Variants in TANC1 observed in about 807,000 individuals in gnomAD.
The protein encoded by TANC1 is protein TANC1.
A neutral mutation model predicts 149.7 loss-of-function variants in TANC1; 77 were observed. The observed-to-expected ratio is 0.51, with a 90% confidence interval of 0.43 to 0.62. TANC1 has a LOEUF of 0.62. Ranked by LOEUF, TANC1 falls within the 20% of genes least tolerant of loss-of-function variation. TANC1 has a pLI of 0.00. For synonymous variants in TANC1, 854 were observed against 925.0 expected (o/e 0.92, Z 1.39); for missense variants, 1,985 against 2,321.8 (o/e 0.85, Z 2.98).
chr2:159,033,474 G>A (rs2039942765), intron 2 of TANC1, among the ~76,000 whole-genome samples: 1 of 152,160 alleles, frequency 6.6e-6, no homozygotes, highest in South Asian at 2.1e-4. Context: ...GCGGGAGAGG[G>A]GAAGTGCCCA....
rs932540458 is a variant in TANC1, at chr2:159,230,007, C to G, written c.4581C>G (p.Pro1527=). ...CCCAGCCAGGGCTGCTCCTGCAGCC[C>G]TCCAAGCAGGCCCAGATCGTGAAAA... ...PVAQPGLLLQ[P]SKQAQIVKTS... is the part of the protein sequence containing the mutation. Residue 1527 remains proline (P), a synonymous_variant, in exon 27 of 27, where the codon CCC becomes CCG. Transcript: ENST00000263635. This position sits in a 1 kb window ranked among gnomAD's most constrained non-coding sequence, Gnocchi z 4.4. 1 of 1,613,954 alleles carries G rather than the reference C, an allele frequency of 6.2e-7. No individual in the cohort carries two copies. Among genetic ancestry groups the G allele is most frequent in the Non-Finnish European group, 8.5e-7 (1 of 1,180,046 alleles).
chr2:159,186,778 C>T, intron 15 of TANC1, 124 bp from the exon 16 acceptor site: 1 of 1,218,158 alleles, frequency 8.2e-7, no homozygotes, highest in Non-Finnish European at 1.2e-6. Flanking sequence ...TGACCCCGTG[C>T]CTTCTGCAGG....
At chr2:159,089,276 G>T (rs2045286537) in intron 3 of TANC1, among the ~76,000 whole-genome samples, 2 of 152,044 alleles carry the variant, frequency 1.3e-5, no homozygotes, top group African/African-American at 2.4e-5. Context: ...TTTTAGTATG[G>T]TTTTTTTGCA....
chr2:159,136,056 G>GCA lies in TANC1; in HGVS notation c.260-137_260-136insAC, dbSNP rs1464608274. 3.3e-5 allele frequency: 18 copies of GCA among 552,442 alleles called. 1 individual carries two copies. The African/African-American group carries it at 3.3e-4, about 10-fold the overall frequency. 34.2% of individuals were successfully genotyped at this position (552,442 alleles called of 1,614,324 possible). ...TGTGTGTGTGTGTGTGTGTGCGCGCGCGCGCGTTTAAGGGAGGGGAAGGCA... is the reference window on the plus strand; with the variant it reads ...TGTGTGTGTGTGTGTGTGTGCGCGCGCACGCGCGTTTAAGGGAGGGGAAGGCA... On this transcript the variant is annotated intron_variant, in intron 4 of 26. Transcript: ENST00000263635.
chr2:159,004,429 T>A, intron 2 of TANC1: 1 of 854,640 alleles, frequency 1.2e-6, no homozygotes, highest in Non-Finnish European at 1.9e-6. Context: ...TTCAGTAATA[T>A]AAATATTTTC....
In TANC1 at chr2:158,997,518, C is replaced by T. The variant is rs138169168; in HGVS notation, c.-125-3562C>T. Among the ~76,000 whole-genome samples, 64 of 152,288 alleles carry T rather than the reference C, an allele frequency of 4.2e-4. 5 individuals carry two copies. Among genetic ancestry groups the T allele is most frequent in the African/African-American group, 1.5e-3 (63 of 41,560 alleles). ...AGTATCTTGGTTCCTAAATTCCATTCTCTAATCACAGTAACCAGGACTCCT... is the reference window on the plus strand; with the variant it reads ...AGTATCTTGGTTCCTAAATTCCATTTTCTAATCACAGTAACCAGGACTCCT... On this transcript the variant is annotated intron_variant, in intron 1 of 26. Transcript: ENST00000263635.
At chr2:159,008,295 T>TA (rs1383989117) in intron 2 of TANC1, among the ~76,000 whole-genome samples, 3 of 152,204 alleles carry the variant, frequency 2.0e-5, no homozygotes, top group Admixed American at 6.5e-5. Context: ...CCTGTAGCCA[T>TA]AAAATCAAGT....
At chr2:158,969,850 G>T (rs1472875873) in intron 1 of TANC1, among the ~76,000 whole-genome samples, 1 of 152,256 alleles carries the variant, frequency 6.6e-6, no homozygotes, top group African/African-American at 2.4e-5. Flanking sequence ...GCCAGCTCCA[G>T]ATCCGCGTGC....
chr2:158,970,162 G>A (rs1212209074), intron 1 of TANC1, among the ~76,000 whole-genome samples: 1 of 151,844 alleles, frequency 6.6e-6, no homozygotes, highest in Admixed American at 6.6e-5. Context: ...GGGGGTGGGA[G>A]AGGAAAGGAG....
intron 12 of TANC1, among the ~76,000 whole-genome samples, chr2:159,175,954 G>C (rs1256566282): frequency 2.0e-5 from 3 of 152,300 alleles, no homozygotes; most frequent in African/African-American, 7.2e-5. Flanking sequence ...GGCAGCGAGG[G>C]GGTCAGTTTC....
chr2:159,049,512 G>A (rs577017670), intron 2 of TANC1, among the ~76,000 whole-genome samples: 13 of 152,322 alleles, frequency 8.5e-5, no homozygotes, highest in South Asian at 2.1e-4. Context: ...CTAAAGAACC[G>A]TCCAGGGTGG....
At chr2:159,066,059 G>T in intron 3 of TANC1, 88 bp downstream of exon 3, 1 of 1,024,658 alleles carries the variant, frequency 9.8e-7, no homozygotes, top group Non-Finnish European at 1.6e-6. Context: ...GTTGCTTTGG[G>T]AGTGGGTCAG....
chr2:158,976,653 G>A (rs2033706505), intron 1 of TANC1, among the ~76,000 whole-genome samples: 1 of 152,152 alleles, frequency 6.6e-6, no homozygotes, highest in African/African-American at 2.4e-5. Context: ...GGCCAAGGCG[G>A]GCAGATCACC....
At position 159,119,569 on chromosome 2, in the gene TANC1, A is replaced by G. The variant is rs2048638481; in HGVS notation, c.260-16625A>G. ...ATGACTGTAGTTGCTTTAACCAATA[A>G]AAATTCGACATCAACCTGAGCTGTA... On this transcript the variant is annotated intron_variant, in intron 4 of 26. Transcript: ENST00000263635. Among the ~76,000 whole-genome samples the G allele has an allele frequency of 2.0e-5, 3 of 152,320 alleles. No individual in the cohort carries two copies. In the South Asian group the frequency reaches 6.2e-4, roughly 32 times the overall value.
At chr2:159,135,247 T>G (rs2050546286) in intron 4 of TANC1, among the ~76,000 whole-genome samples, 1 of 152,240 alleles carries the variant, frequency 6.6e-6, no homozygotes, top group Non-Finnish European at 1.5e-5. Flanking sequence ...TTTTCAAGCT[T>G]CATCCATGTT....
intron 2 of TANC1, among the ~76,000 whole-genome samples, chr2:159,029,232 A>AT (rs2149470700): frequency 6.6e-6 from 1 of 152,208 alleles, no homozygotes; most frequent in South Asian, 2.1e-4. Context: ...CATTTTGTTT[A>AT]TCCATTTATC....
At chr2:158,993,570 T>TC (rs1559110736) in intron 1 of TANC1, among the ~76,000 whole-genome samples, 1 of 152,168 alleles carries the variant, frequency 6.6e-6, no homozygotes, top group Non-Finnish European at 1.5e-5. Context: ...GAATGGGAAA[T>TC]CCTCTGTTCT....
At chr2:159,227,235 C>T (rs1053634512) in intron 24 of TANC1, 2 of 152,172 alleles carry the variant, frequency 1.3e-5, no homozygotes, top group Admixed American at 6.5e-5. Flanking sequence ...AATAGGAAGC[C>T]ATTTTCAACA....
At chr2:159,007,779 C>G (rs1342594686) in intron 2 of TANC1, among the ~76,000 whole-genome samples, 3 of 152,016 alleles carry the variant, frequency 2.0e-5, no homozygotes, top group African/African-American at 7.2e-5. Flanking sequence ...AGATGAAATC[C>G]CTGGACTTAA....
Sources: allele counts gnomAD v4.1 joint callset (sites outside exome capture counted in the v4.1 genomes callset), GRCh38; gene constraint gnomAD v4.1.1; non-coding constraint Gnocchi (gnomAD v3.1); transcripts MANE v1.5; gene names NCBI Gene and HGNC (gene_info 2026-07-23, HGNC 2026-07-21).